Variants in MTREX observed in about 807,000 individuals in gnomAD.
MTREX encodes Mtr4 exosome RNA helicase.
A neutral mutation model predicts 135.4 loss-of-function variants in MTREX; 76 were observed. That is an observed-to-expected ratio of 0.56 (90% CI 0.47 to 0.68). The LOEUF is 0.68. Ranked by LOEUF, MTREX falls within the 30% of genes least tolerant of loss-of-function variation. MTREX has a pLI of 0.00. For synonymous variants in MTREX, 404 were observed against 401.6 expected (o/e 1.01, Z -0.07); for missense variants, 920 against 1,262.1 (o/e 0.73, Z 4.11).
At chr5:55,313,756 T>TA (rs1749153262) in intron 1 of MTREX, among the ~76,000 whole-genome samples, 1 of 152,216 alleles carries the variant, frequency 6.6e-6, no homozygotes, top group Admixed American at 6.5e-5. Flanking sequence ...ATCAAAAGTT[T>TA]AAAACAGTAC....
At chr5:55,417,191 C>G (rs1418583612) in intron 25 of MTREX, among the ~76,000 whole-genome samples, 1 of 152,130 alleles carries the variant, frequency 6.6e-6, no homozygotes, top group Admixed American at 6.5e-5. Context: ...TTTAGTCAAA[C>G]AGTCCCAAAG....
chr5:55,416,858 A>C (rs1750973416), intron 25 of MTREX, among the ~76,000 whole-genome samples: 1 of 152,160 alleles, frequency 6.6e-6, no homozygotes, highest in South Asian at 2.1e-4. Flanking sequence ...AGAGATTATA[A>C]TAAGAACTGC....
At chr5:55,385,291 A>G (rs1427941752) in intron 18 of MTREX, among the ~76,000 whole-genome samples, 1 of 152,070 alleles carries the variant, frequency 6.6e-6, no homozygotes, top group African/African-American at 2.4e-5. Context: ...AAACCAGGGG[A>G]AGGGCTGTTG....
In MTREX at chr5:55,425,287, T is replaced by C. The variant is rs773483683; in HGVS notation, c.*515T>C. On this transcript the variant is annotated 3_prime_UTR_variant, in exon 27 of 27. Coordinates refer to ENST00000230640, the MANE Select transcript of MTREX (RefSeq NM_015360.5). ...TTGTATGAGAGTCCTCCTCTTTTCT[T>C]TCTTTAAAAGAAGTTCTTTCTTTGA... 1.2e-6 allele frequency: 2 copies of C among 1,611,252 alleles called. No homozygotes were observed. Among genetic ancestry groups the C allele is most frequent in the Non-Finnish European group, 1.7e-6 (2 of 1,177,578 alleles).
At chr5:55,325,273 A>G (rs1375705940) in intron 3 of MTREX, among the ~76,000 whole-genome samples, 1 of 149,806 alleles carries the variant, frequency 6.7e-6, no homozygotes, top group Non-Finnish European at 1.5e-5. Context: ...GTACATATGC[A>G]AGTTTGATTT....
rs1751135165 is a variant in MTREX at position 55,425,056 on chromosome 5, T to C, written c.*284T>C. The C allele has an allele frequency of 1.0e-5, 11 of 1,065,160 alleles. No homozygotes were observed. The highest frequency in any genetic ancestry group is 1.5e-5 in the Non-Finnish European group (11 of 737,662). The allele number at this position is 1,065,160 out of a possible 1,614,324, so 66.0% of individuals were successfully genotyped here. ...ATAACCACTGAGTTAAAGGTAACTATGTACACACAAAGTGTGCATCCAAGA... is the reference window on the plus strand; with the variant it reads ...ATAACCACTGAGTTAAAGGTAACTACGTACACACAAAGTGTGCATCCAAGA... On this transcript the variant is annotated 3_prime_UTR_variant, in exon 27 of 27. Coordinates refer to ENST00000230640, the MANE Select transcript of MTREX (RefSeq NM_015360.5).
At chr5:55,396,916 A>G (rs1750655403) in intron 19 of MTREX, among the ~76,000 whole-genome samples, 1 of 152,226 alleles carries the variant, frequency 6.6e-6, no homozygotes, top group African/African-American at 2.4e-5. Context: ...GACAAGAGAA[A>G]ACATGGAAGA....
At chr5:55,410,769 CA>C (rs1750874405) in intron 23 of MTREX, 140 bp downstream of exon 23, 2 of 466,196 alleles carry the variant, frequency 4.3e-6, no homozygotes, top group Admixed American at 7.8e-5. Context: ...AACTTTAACA[CA>C]AATGTACTAA....
At chr5:55,398,182 G>A (rs1750673374) in intron 20 of MTREX, among the ~76,000 whole-genome samples, 1 of 151,938 alleles carries the variant, frequency 6.6e-6, no homozygotes, top group South Asian at 2.1e-4. Flanking sequence ...AGGCTCTACA[G>A]TAAGCTGTGA....
chr5:55,367,876 A>G (rs1342438883), intron 16 of MTREX, among the ~76,000 whole-genome samples: 1 of 152,248 alleles, frequency 6.6e-6, no homozygotes, highest in African/African-American at 2.4e-5. Context: ...TCATCGTAAA[A>G]AGGAGAAAGA....
At chr5:55,421,974 G>T (rs978164359) in intron 25 of MTREX, among the ~76,000 whole-genome samples, 2 of 152,188 alleles carry the variant, frequency 1.3e-5, no homozygotes, top group Non-Finnish European at 2.9e-5. Context: ...TTGCAAGGCA[G>T]TATTGGAGCC....
intron 1 of MTREX, among the ~76,000 whole-genome samples, chr5:55,321,577 A>G (rs1486548714): frequency 7.1e-6 from 1 of 140,544 alleles, no homozygotes; most frequent in Non-Finnish European, 1.6e-5. Flanking sequence ...GAATTCCCCT[A>G]TGGATATTCA....
intron 23 of MTREX, among the ~76,000 whole-genome samples, chr5:55,411,057 C>T (rs954144222): frequency 6.6e-6 from 1 of 152,138 alleles, no homozygotes; most frequent in African/African-American, 2.4e-5. Context: ...GGAACTGAAA[C>T]ATTAGTTTTC....
intron 25 of MTREX, among the ~76,000 whole-genome samples, chr5:55,418,610 A>G (rs1561214325): frequency 6.6e-6 from 1 of 151,856 alleles, no homozygotes; most frequent in African/African-American, 2.4e-5. Context: ...ATTAGATCTA[A>G]CATCTGCATA....
intron 15 of MTREX, among the ~76,000 whole-genome samples, chr5:55,365,154 T>G (rs1209769813): frequency 2.6e-5 from 4 of 152,112 alleles, no homozygotes; most frequent in Non-Finnish European, 5.9e-5. Context: ...TTTCTTATAT[T>G]GAAACCCGAG....
intron 9 of MTREX, 38 bp downstream of exon 9, chr5:55,344,658 A>C: frequency 5.5e-5 from 63 of 1,135,302 alleles, no homozygotes; most frequent in Non-Finnish European, 7.5e-5. Flanking sequence ...CTATAATGTC[A>C]TACTTTATTA....
intron 25 of MTREX, among the ~76,000 whole-genome samples, chr5:55,422,023 T>A (rs1452138245): frequency 9.2e-5 from 14 of 152,196 alleles, no homozygotes; most frequent in Non-Finnish European, 2.9e-5. Flanking sequence ...AACAAATAAT[T>A]ATTATTAATT....
intron 18 of MTREX, among the ~76,000 whole-genome samples, chr5:55,381,833 T>C (rs1170479660): frequency 1.3e-5 from 2 of 152,226 alleles, no homozygotes; most frequent in Non-Finnish European, 2.9e-5. Flanking sequence ...TATCTATTAT[T>C]GAAAGTGGAG....
chr5:55,425,521 T>A lies in MTREX; in HGVS notation c.*749T>A, dbSNP rs1378483273. The A allele has an allele frequency of 1.8e-6, 1 of 542,818 alleles. No homozygotes were observed. Among genetic ancestry groups the A allele is most frequent in the African/African-American group, 2.0e-5 (1 of 50,936 alleles). The allele number at this position is 542,818 out of a possible 1,614,324, so 33.6% of individuals were successfully genotyped here. On this transcript the variant is annotated 3_prime_UTR_variant, in exon 27 of 27. Coordinates refer to ENST00000230640, the MANE Select transcript of MTREX (RefSeq NM_015360.5). The stretch of plus-strand genomic sequence containing the variant: ...GATTATTCCAAATTAAGAGTTGCTT[T>A]GTTATGCCTTCAGCAAATAGCTTCA...
Sources: gnomAD v4.1 joint callset for allele counts (sites outside exome capture counted in the v4.1 genomes callset) on GRCh38, gnomAD v4.1.1 for gene constraint, MANE v1.5 for transcripts, NCBI Gene and HGNC (gene_info 2026-07-23, HGNC 2026-07-21) for gene names.